The following JPH4 variants were observed in gnomAD, a reference collection of about 807,000 sequenced individuals.
JPH4 encodes junctophilin 4.
Under a neutral mutation model 57.6 loss-of-function variants are expected in JPH4, and 18 were observed. That is an observed-to-expected ratio of 0.31 (90% CI 0.22 to 0.46). The LOEUF (loss-of-function observed/expected upper bound fraction) is 0.46, where lower values mean the gene tolerates loss of function less well. Ranked by LOEUF, JPH4 falls within the 20% of genes least tolerant of loss-of-function variation. The pLI is 1.00. For synonymous variants in JPH4, 425 were observed against 406.6 expected, an observed-to-expected ratio of 1.05 and a Z score of -0.54; for missense variants, 727 against 911.1, an observed-to-expected ratio of 0.80 and a Z score of 2.60.
chr14:23,577,093 C>T lies in JPH4; in HGVS notation c.361G>A (p.Glu121Lys). ...KDGFQDGYGT[E>K]TYSDGGTYQG... ...CCCGCACCTCCGTCGGAGTAGGTCT[C>T]AGTGCCGTAGCCGTCCTGGAAACCG... is the stretch of plus-strand genomic sequence containing the variant. Residue 121 changes from glutamate (E) to lysine (K), a missense_variant, in exon 2 of 6, where the codon GAG becomes AAG. Around this residue, in one of 7 missense-constraint regions of JPH4, gnomAD observed 90 missense variants for 88.1 expected, o/e 1.02. Transcript: ENST00000356300. This position sits in a 1 kb window ranked among gnomAD's most constrained non-coding sequence, Gnocchi z 8.4. The T allele has an allele frequency of 1.3e-6, 2 of 1,562,202 alleles. No homozygotes were observed. Among genetic ancestry groups the T allele is most frequent in the Non-Finnish European group, 1.7e-6 (2 of 1,159,690 alleles).
Position 23,571,532 on chromosome 14 carries a change from G to T in JPH4, c.1271-72C>A. The T allele has an allele frequency of 1.3e-6, 2 of 1,527,328 alleles. No homozygotes were observed. Among genetic ancestry groups the T allele is most frequent in the South Asian group, 1.2e-5 (1 of 82,276 alleles). 94.6% of individuals were successfully genotyped at this position (1,527,328 alleles called of 1,614,324 possible). ...CTGGAGTGGCTGCAGCTTTATTCCT[G>T]ACTGGGCACTTCCCAGGACTTTGGA... On this transcript the variant is annotated intron_variant, in intron 4 of 5. Transcript: ENST00000356300. This position sits in a 1 kb window ranked among gnomAD's most constrained non-coding sequence, Gnocchi z 4.6.
rs1889149532 is a variant in JPH4 at position 23,571,600 on chromosome 14, C to A, written c.1271-140G>T. On this transcript the variant is annotated intron_variant, in intron 4 of 5. Transcript: ENST00000356300. The surrounding 1 kb of genome is among the most constrained non-coding windows in gnomAD (Gnocchi z 4.6). ...CTCTCACCGCCAGACCCCAAACCCCCCATTATCCTACTGCATACATTCCCA... is the reference window on the plus strand; with the variant it reads ...CTCTCACCGCCAGACCCCAAACCCCACATTATCCTACTGCATACATTCCCA... 3.5e-6 allele frequency: 4 copies of A among 1,154,490 alleles called. No individual in the cohort carries two copies. The highest frequency in any genetic ancestry group is 2.1e-5 in the Admixed American group (1 of 47,234). The allele number at this position is 1,154,490 out of a possible 1,614,324, so 71.5% of individuals were successfully genotyped here.
At chr14:23,572,840 G>T in intron 3 of JPH4, 3 of 702,236 alleles carry the variant, frequency 4.3e-6, no homozygotes, top group Non-Finnish European at 7.8e-6. Flanking sequence ...CACCTTCCCT[G>T]CTCCTTAGGT....
At chr14:23,573,451 C>T (rs1329241755) in intron 3 of JPH4, among the ~76,000 whole-genome samples, 3 of 152,202 alleles carry the variant, frequency 2.0e-5, no homozygotes, top group African/African-American at 7.2e-5. Flanking sequence ...CCTGTTGAGC[C>T]GTGAGCGTGA....
rs201491387 is a variant in JPH4, at chr14:23,569,500, G to A, written c.*134C>T. The A allele has an allele frequency of 1.0e-3, 704 of 691,948 alleles. 8 individuals carry two copies. The East Asian group carries it at 0.018, about 17-fold the overall frequency. 42.9% of individuals were successfully genotyped at this position (691,948 alleles called of 1,614,324 possible). A position where few individuals can be genotyped will look rare whatever the true frequency, so the allele number is the denominator to read the frequency against. Reference sequence around the variant, plus strand: ...GAAAAAGCGAGAGAAAAAAACAAAGGAGCACAGAAAAGAAAGGAAGAAGAG... The same window carrying A: ...GAAAAAGCGAGAGAAAAAAACAAAGAAGCACAGAAAAGAAAGGAAGAAGAG... On this transcript the variant is annotated 3_prime_UTR_variant, in exon 6 of 6. Coordinates refer to ENST00000356300, the MANE Select transcript of JPH4 (RefSeq NM_001146028.2). This position sits in a 1 kb window ranked among gnomAD's most constrained non-coding sequence, Gnocchi z 4.8.
Position 23,571,118 on chromosome 14 carries a change from C to G in JPH4, c.1613G>C (p.Ser538Thr). The change falls in exon 5 of 6, where the codon AGT becomes ACT. Residue 538 changes from serine (S) to threonine (T), a missense_variant. Ser to Thr is a moderately conservative substitution (Grantham distance 58). Around this residue, in one of 7 missense-constraint regions of JPH4, gnomAD observed 293 missense variants for 279.8 expected, o/e 1.05. Coordinates refer to ENST00000356300, the MANE Select transcript of JPH4 (RefSeq NM_001146028.2). This position sits in a 1 kb window ranked among gnomAD's most constrained non-coding sequence, Gnocchi z 4.6. ...GSPLLGGCSD[S>T]SGSLREEEGE... ...CTCCTCCTCTCGAAGACTTCCTGAA[C>G]TGTCGCTGCAGCCTCCGAGGAGTGG... is the stretch of plus-strand genomic sequence containing the variant. The G allele has an allele frequency of 6.2e-7, 1 of 1,614,146 alleles. No homozygotes were observed.
rs976651710 is a variant in JPH4, at chr14:23,575,737, C to A, written c.1099G>T (p.Ala367Ser). The A allele has an allele frequency of 1.3e-6, 2 of 1,592,180 alleles. No individual in the cohort carries two copies. The highest frequency in any genetic ancestry group is 1.7e-6 in the Non-Finnish European group (2 of 1,172,504). ...KEKVDRAVEG[A>S]RRAVSAARQR... is the part of the protein sequence containing the mutation. ...CGGGCAGCACTCACGGCTCGACGGG[C>A]GCCCTCGACAGCCCTGTCCACCTTC... The change falls in exon 3 of 6, where the codon GCC becomes TCC. Residue 367 changes from alanine to serine, a missense_variant. This residue lies in a region of JPH4 where 112 missense variants were observed against 199.4 expected (regional missense o/e 0.56). Transcript: ENST00000356300. This position sits in a 1 kb window ranked among gnomAD's most constrained non-coding sequence, Gnocchi z 6.9.
Position 23,577,041 on chromosome 14 carries a change from G to T in JPH4, c.379+34C>A. 1 of 1,473,386 alleles carries T rather than the reference G, an allele frequency of 6.8e-7. No homozygotes were observed. The highest frequency in any genetic ancestry group is 1.4e-5 in the South Asian group (1 of 72,620). 91.3% of individuals were successfully genotyped at this position (1,473,386 alleles called of 1,614,324 possible). A position where few individuals can be genotyped will look rare whatever the true frequency, so the allele number is the denominator to read the frequency against. On this transcript the variant is annotated intron_variant, in intron 2 of 5. Coordinates refer to ENST00000356300, the MANE Select transcript of JPH4 (RefSeq NM_001146028.2). The surrounding 1 kb of genome is among the most constrained non-coding windows in gnomAD (Gnocchi z 8.4). ...AAGGCTGGGGAAGGCGCACGCGGAC[G>T]AGCAGACAGACACTGGTGGGCCGGG...
intron 3 of JPH4, among the ~76,000 whole-genome samples, chr14:23,573,317 T>C (rs1297153659): frequency 6.6e-6 from 1 of 152,220 alleles, no homozygotes; most frequent in African/African-American, 2.4e-5. Context: ...AGATTGTATA[T>C]AACTAGCCCT....
chr14:23,572,058 A>C (rs1595393797), intron 3 of JPH4, 138 bp from the exon 4 acceptor site: 2 of 740,210 alleles, frequency 2.7e-6, no homozygotes, highest in East Asian at 2.8e-5. Flanking sequence ...CCTTCGCCAC[A>C]CTCTGCCAGC....
In JPH4 at chr14:23,568,585, G is replaced by A. The variant is rs1287327345; in HGVS notation, c.*1049C>T. 5.1e-6 allele frequency: 5 copies of A among 985,712 alleles called. No individual in the cohort carries two copies. The highest frequency in any genetic ancestry group is 6.0e-6 in the Non-Finnish European group (5 of 829,948). The allele number at this position is 985,712 out of a possible 1,614,324, so 61.1% of individuals were successfully genotyped here. On this transcript the variant is annotated 3_prime_UTR_variant, in exon 6 of 6. Transcript: ENST00000356300. ...GGGGAAGGGATATAACCCATTTTGG[G>A]ACTACTAAACTTGTCACAGCTTCTG...
At position 23,575,429 on chromosome 14, in the gene JPH4, A is replaced by C; in HGVS notation, c.1151+256T>G. 3.5e-6 allele frequency: 2 copies of C among 573,452 alleles called. No homozygotes were observed. The highest frequency in any genetic ancestry group is 4.5e-5 in the South Asian group (2 of 44,298). 35.5% of individuals were successfully genotyped at this position (573,452 alleles called of 1,614,324 possible). A position where few individuals can be genotyped will look rare whatever the true frequency, so the allele number is the denominator to read the frequency against. On this transcript the variant is annotated intron_variant, in intron 3 of 5. Coordinates refer to ENST00000356300, the MANE Select transcript of JPH4 (RefSeq NM_001146028.2). The surrounding 1 kb of genome is among the most constrained non-coding windows in gnomAD (Gnocchi z 6.9). ...ATTCCATAGACATGCATCTCCACAC[A>C]AAAGACACCGAGACACATTTACAGT...
Position 23,576,084 on chromosome 14 carries a change from T to C in JPH4, c.752A>G (p.Glu251Gly). ...GCCGGGCGGTCCGGTGCTGCCCACCTCGCTGCTCACCTCGCTGCGCAGGGA... is the reference window on the plus strand; with the variant it reads ...GCCGGGCGGTCCGGTGCTGCCCACCCCGCTGCTCACCTCGCTGCGCAGGGA... The part of the protein sequence containing the change: ...RGSLRSEVSS[E>G]VGSTGPPGSE... The change falls in exon 3 of 6, where the codon GAG becomes GGG. Residue 251 changes from glutamate to glycine, a missense_variant. Around this residue, in one of 7 missense-constraint regions of JPH4, gnomAD observed 131 missense variants for 156.5 expected, o/e 0.84. Coordinates refer to ENST00000356300, the MANE Select transcript of JPH4 (RefSeq NM_001146028.2). This position sits in a 1 kb window ranked among gnomAD's most constrained non-coding sequence, Gnocchi z 8.0. 1 of 1,302,994 alleles carries C rather than the reference T, an allele frequency of 7.7e-7. No homozygotes were observed. Among genetic ancestry groups the C allele is most frequent in the Non-Finnish European group, 9.7e-7 (1 of 1,030,098 alleles). The allele number at this position is 1,302,994 out of a possible 1,614,324, so 80.7% of individuals were successfully genotyped here.
rs1292100526 is a variant in JPH4 at position 23,575,998 on chromosome 14, C to A, written c.838G>T (p.Glu280Ter). 6.9e-7 allele frequency: 1 copy of A among 1,451,348 alleles called. No homozygotes were observed. The highest frequency in any genetic ancestry group is 2.7e-5 in the East Asian group (1 of 37,398). 89.9% of individuals were successfully genotyped at this position (1,451,348 alleles called of 1,614,324 possible). The change falls in exon 3 of 6, where the codon GAG becomes TAG. Residue 280 changes from glutamate (E) to a stop codon, truncating the protein, a stop_gained. Coordinates refer to ENST00000356300, the MANE Select transcript of JPH4 (RefSeq NM_001146028.2). LOFTEE classifies it high-confidence loss of function. The surrounding 1 kb of genome is among the most constrained non-coding windows in gnomAD (Gnocchi z 6.9). ...GCGCGCCACTCGCCCGCGTACACCT[C>A]TGTGGCCGAGCCCTCGATGAGGGCG... ...PPALIEGSAT[E>*]VYAGEWRADR...
chr14:23,569,394 AGGGGTT>A lies in JPH4; in HGVS notation c.*234_*239del, dbSNP rs1053049602. Reference sequence around the variant, plus strand: ...CATATGTAAACAATCTAGAGAAAGAAGGGGTTGGGATGGGGAAGGGAGTGAGGAATA... The same window carrying A: ...CATATGTAAACAATCTAGAGAAAGAAGGGATGGGGAAGGGAGTGAGGAATA... On this transcript the variant is annotated 3_prime_UTR_variant, in exon 6 of 6. Coordinates refer to ENST00000356300, the MANE Select transcript of JPH4 (RefSeq NM_001146028.2). This position sits in a 1 kb window ranked among gnomAD's most constrained non-coding sequence, Gnocchi z 4.8. 4 of 512,642 alleles carry A rather than the reference AGGGGTT, an allele frequency of 7.8e-6. No individual in the cohort carries two copies. Among genetic ancestry groups the A allele is most frequent in the Non-Finnish European group, 3.5e-6 (1 of 284,262 alleles). 31.8% of individuals were successfully genotyped at this position (512,642 alleles called of 1,614,324 possible). A position where few individuals can be genotyped will look rare whatever the true frequency, so the allele number is the denominator to read the frequency against.
In JPH4 at chr14:23,576,457, C is replaced by A; in HGVS notation, c.380-1G>T. On this transcript the variant is annotated splice_acceptor_variant, in intron 2 of 5. Transcript: ENST00000356300. LOFTEE classifies it high-confidence loss of function. This position sits in a 1 kb window ranked among gnomAD's most constrained non-coding sequence, Gnocchi z 8.0. ...GCCTGCCACTGGCCCTGGTAGGTGC[C>A]TGCGGGCGGCGGAGGGGTGGGAGAA... The A allele has an allele frequency of 7.1e-7, 1 of 1,410,804 alleles. No homozygotes were observed. Among genetic ancestry groups the A allele is most frequent in the East Asian group, 2.9e-5 (1 of 34,418 alleles). 87.4% of individuals were successfully genotyped at this position (1,410,804 alleles called of 1,614,324 possible).
chr14:23,577,386 C>T lies in JPH4; in HGVS notation c.68G>A (p.Arg23Gln), dbSNP rs1783087836. The change falls in exon 2 of 6, where the codon CGG becomes CAG. Residue 23 changes from arginine (R) to glutamine (Q), a missense_variant. This residue lies in a region of JPH4 where 83 missense variants were observed against 135.4 expected (regional missense o/e 0.61). Transcript: ENST00000356300. This position sits in a 1 kb window ranked among gnomAD's most constrained non-coding sequence, Gnocchi z 8.4. ...CGTGCACACGCCGTAGCCATGTGCCCGCCCCGCCTCCCAGCCCCCCACGTA... is the reference window on the plus strand; with the variant it reads ...CGTGCACACGCCGTAGCCATGTGCCTGCCCCGCCTCCCAGCCCCCCACGTA... Reference protein sequence around the residue: ...GCYVGGWEAGRAHGYGVCTGP... With the variant: ...GCYVGGWEAGQAHGYGVCTGP... 5.4e-6 allele frequency: 8 copies of T among 1,489,244 alleles called. No homozygotes were observed. Among genetic ancestry groups the T allele is most frequent in the Non-Finnish European group, 7.1e-6 (8 of 1,122,016 alleles). The allele number at this position is 1,489,244 out of a possible 1,614,324, so 92.3% of individuals were successfully genotyped here.
chr14:23,571,235 C>CA lies in JPH4; in HGVS notation c.1495dup (p.Trp499LeufsTer15). On this transcript the variant is annotated frameshift_variant, in exon 5 of 6. Transcript: ENST00000356300. LOFTEE classifies it high-confidence loss of function. The surrounding 1 kb of genome is among the most constrained non-coding windows in gnomAD (Gnocchi z 4.6). ...CTCTGCCTGTGCGCCTGCCCCCCCC[C>CA]ACTCCTCAGGCCAAGCTTTGGGGCT... 6.2e-7 allele frequency: 1 copy of CA among 1,611,504 alleles called. No individual in the cohort carries two copies. The highest frequency in any genetic ancestry group is 8.5e-7 in the Non-Finnish European group (1 of 1,178,724).
rs1889288848 is a variant in JPH4 at position 23,576,952 on chromosome 14, G to A, written c.379+123C>T. 2 of 1,191,466 alleles carry A rather than the reference G, an allele frequency of 1.7e-6. No individual in the cohort carries two copies. The highest frequency in any genetic ancestry group is 2.9e-5 in the East Asian group (1 of 34,138). 73.8% of individuals were successfully genotyped at this position (1,191,466 alleles called of 1,614,324 possible). A position where few individuals can be genotyped will look rare whatever the true frequency, so the allele number is the denominator to read the frequency against. On this transcript the variant is annotated intron_variant, in intron 2 of 5. Coordinates refer to ENST00000356300, the MANE Select transcript of JPH4 (RefSeq NM_001146028.2). The surrounding 1 kb of genome is among the most constrained non-coding windows in gnomAD (Gnocchi z 8.0). ...GAAATTGGGGGCTGGGGGTCACATC[G>A]ATGGGGAATGGTGGCGGGGGAAAGA...
Sources: allele counts gnomAD v4.1 joint callset (sites outside exome capture counted in the v4.1 genomes callset), GRCh38; gene constraint gnomAD v4.1.1; regional missense constraint gnomAD v4.1.1; non-coding constraint Gnocchi (gnomAD v3.1); transcripts MANE v1.5; gene names NCBI Gene and HGNC (gene_info 2026-07-23, HGNC 2026-07-21).